SEMA3E: variants seen among roughly 807,000 people sequenced by gnomAD.
SEMA3E encodes semaphorin 3E, also known as semaphorin-3E.
Under a neutral mutation model 93.6 loss-of-function variants are expected in SEMA3E, and 49 were observed. The observed-to-expected ratio is 0.52, with a 90% CI of 0.42 to 0.66. The LOEUF (loss-of-function observed/expected upper bound fraction) is 0.66, where lower values mean the gene tolerates loss of function less well. SEMA3E is among the 30% of genes least tolerant of loss of function. The pLI is 0.00. For missense variants in SEMA3E, 906 were observed against 964.8 expected, an observed-to-expected ratio of 0.94 and a Z score of 0.81; for synonymous variants, 363 against 330.7, an observed-to-expected ratio of 1.10 and a Z score of -1.06.
At chr7:83,409,125 AG>A (rs1290792464) in intron 5 of SEMA3E, among the ~76,000 whole-genome samples, 5 of 152,198 alleles carry the variant, frequency 3.3e-5, no homozygotes, top group Non-Finnish European at 7.4e-5. Context: ...GAAGGAAGTT[AG>A]TTGCAACATG....
At chr7:83,392,060 A>G (rs1290515146) in intron 14 of SEMA3E, among the ~76,000 whole-genome samples, 1 of 152,142 alleles carries the variant, frequency 6.6e-6, no homozygotes, top group Non-Finnish European at 1.5e-5. Context: ...GGAAATGGCA[A>G]TGACCTCACA....
intron 1 of SEMA3E, among the ~76,000 whole-genome samples, chr7:83,594,200 T>C (rs988616646): frequency 2.0e-5 from 3 of 152,140 alleles, no homozygotes; most frequent in African/African-American, 7.2e-5. Flanking sequence ...CACTTTTTTG[T>C]TTGCTTTTCA....
At chr7:83,498,903 G>T (rs1790543626) in intron 1 of SEMA3E, among the ~76,000 whole-genome samples, 1 of 152,106 alleles carries the variant, frequency 6.6e-6, no homozygotes, top group South Asian at 2.1e-4. Flanking sequence ...GCCCTCAATG[G>T]ATTAATCCTG....
rs1562837074 is a variant in SEMA3E, at chr7:83,570,553, A to AAAAAAAAAAAAACAAAAAAAAAAAC, written c.115+77874_115+77875insGTTTTTTTTTTTGTTTTTTTTTTTT. Among the ~76,000 whole-genome samples the AAAAAAAAAAAAACAAAAAAAAAAAC allele has an allele frequency of 3.0e-3, 175 of 58,808 alleles. 1 individual carries two copies. The highest frequency in any genetic ancestry group is 0.016 in the African/African-American group (165 of 10,486). 38.6% of individuals were successfully genotyped at this position (58,808 alleles called of 152,430 possible). On this transcript the variant is annotated intron_variant, in intron 1 of 16. Coordinates refer to ENST00000643230, the MANE Select transcript of SEMA3E (RefSeq NM_012431.3). ...GGGCGACAGAGCGAGACTCCGTCTC[A>AAAAAAAAAAAAACAAAAAAAAAAAC]AAAAAAAAAAAAAAAAAAAGAAGTT...
chr7:83,516,945 T>TTTTATA (rs373789622), intron 1 of SEMA3E, among the ~76,000 whole-genome samples: 32 of 148,550 alleles, frequency 2.2e-4, no homozygotes, highest in Middle Eastern at 3.4e-3. Context: ...TAGCATATAT[T>TTTTATA]TATATATATA....
intron 2 of SEMA3E, among the ~76,000 whole-genome samples, chr7:83,478,768 A>G (rs929268240): frequency 1.3e-5 from 2 of 152,230 alleles, no homozygotes; most frequent in Non-Finnish European, 2.9e-5. Flanking sequence ...ACACCTCATA[A>G]CAAAAGCAGA....
At chr7:83,612,361 C>T (rs568468775) in intron 1 of SEMA3E, among the ~76,000 whole-genome samples, 4 of 152,146 alleles carry the variant, frequency 2.6e-5, no homozygotes, top group Middle Eastern at 3.4e-3. Context: ...TACTCTCATG[C>T]TCTCAGTAAA....
rs2115616380 is a variant in SEMA3E at position 83,400,107 on chromosome 7, T to C, written c.1287A>G (p.Gly429=). 1 of 1,614,118 alleles carries C rather than the reference T, an allele frequency of 6.2e-7. No homozygotes were observed. Among genetic ancestry groups the C allele is most frequent in the East Asian group, 2.2e-5 (1 of 44,866 alleles). ...CTGCTATTTGTTTCAGGTTATATTT[T>C]CCATCTGTTTTTACCAATATTGGTT... ...HKKPILVKTD[G]KYNLKQIAVD... The change falls in exon 11 of 17, where the codon GGA becomes GGG. Residue 429 remains glycine (G), a synonymous_variant. Transcript: ENST00000643230.
chr7:83,609,197 G>T lies in SEMA3E; in HGVS notation c.115+39231C>A, dbSNP rs186440098. ...AAAATACTCAATAGTACAAAAAAAG[G>T]TTATGTTGAAACAGTGTATGTCAGT... On this transcript the variant is annotated intron_variant, in intron 1 of 16. Transcript: ENST00000643230. Among the ~76,000 whole-genome samples the T allele has an allele frequency of 2.1e-3, 322 of 151,958 alleles. 2 individuals are homozygous for T. The highest frequency in any genetic ancestry group is 7.5e-3 in the South Asian group (36 of 4,826).
At chr7:83,401,467 G>A (rs1014335262) in intron 10 of SEMA3E, among the ~76,000 whole-genome samples, 3 of 152,006 alleles carry the variant, frequency 2.0e-5, no homozygotes. Context: ...TTTTGGACTA[G>A]CTTGGAAGCA....
At chr7:83,384,551 G>A (rs910346807) in intron 16 of SEMA3E, among the ~76,000 whole-genome samples, 2 of 151,658 alleles carry the variant, frequency 1.3e-5, no homozygotes, top group African/African-American at 4.8e-5. Context: ...TGAGTTCAAA[G>A]CCTACATCAC....
chr7:83,457,779 A>T (rs971009076), intron 4 of SEMA3E, among the ~76,000 whole-genome samples: 1 of 152,080 alleles, frequency 6.6e-6, no homozygotes, highest in Admixed American at 6.6e-5. Flanking sequence ...AATAACACAA[A>T]ATGCCAATGT....
intron 1 of SEMA3E, among the ~76,000 whole-genome samples, chr7:83,546,124 TGCAGGCTTTTATTTGG>T (rs1362843107): frequency 6.7e-6 from 1 of 149,390 alleles, no homozygotes; most frequent in Non-Finnish European, 1.5e-5. Flanking sequence ...AAAGAAAAAC[TGCAGGCTTTTATTTGG>T]GAAAAAAATT....
intron 1 of SEMA3E, among the ~76,000 whole-genome samples, chr7:83,509,339 T>C (rs1790766481): frequency 6.6e-6 from 1 of 152,168 alleles, no homozygotes. Context: ...GCAGTTTTCA[T>C]AGTGTTGCCC....
At chr7:83,514,810 C>T (rs1268209666) in intron 1 of SEMA3E, among the ~76,000 whole-genome samples, 1 of 152,026 alleles carries the variant, frequency 6.6e-6, no homozygotes, top group Admixed American at 6.6e-5. Context: ...AAATATATTG[C>T]TTTCACCTGC....
chr7:83,408,327 G>T (rs757229456), intron 6 of SEMA3E, 41 bp downstream of exon 6: 1 of 1,612,348 alleles, frequency 6.2e-7, no homozygotes, highest in Middle Eastern at 1.7e-4. Flanking sequence ...TTTTAGAGTT[G>T]ATTTCAATCC....
chr7:83,545,158 A>G (rs1377223421), intron 1 of SEMA3E, among the ~76,000 whole-genome samples: 1 of 152,112 alleles, frequency 6.6e-6, no homozygotes, highest in Non-Finnish European at 1.5e-5. Context: ...TTTATTGTGC[A>G]TTTATACCTC....
intron 16 of SEMA3E, among the ~76,000 whole-genome samples, chr7:83,383,539 A>G (rs1285868384): frequency 6.6e-6 from 1 of 152,034 alleles, no homozygotes; most frequent in Non-Finnish European, 1.5e-5. Flanking sequence ...GCCAAGTATT[A>G]TTATTAGCTG....
At chr7:83,466,659 T>A in intron 3 of SEMA3E, 58 bp from the exon 4 acceptor site, 1 of 1,600,380 alleles carries the variant, frequency 6.2e-7, no homozygotes, top group Non-Finnish European at 8.5e-7. Context: ...TTTCGTCCTT[T>A]TTGATTTTTG....
Sources: allele counts gnomAD v4.1 joint callset (sites outside exome capture counted in the v4.1 genomes callset), GRCh38; gene constraint gnomAD v4.1.1; transcripts MANE v1.5; gene names NCBI Gene and HGNC (gene_info 2026-07-23, HGNC 2026-07-21).